Variants in ADK observed in about 807,000 individuals in gnomAD.
The protein encoded by ADK is N6,N6-dimethyladenosine kinase.
In ADK, 24 loss-of-function variants were observed where a neutral mutation model predicts 44.7. The ratio of observed to expected loss-of-function variants is 0.54; its 90% CI spans 0.39 to 0.76. ADK has a LOEUF of 0.76. ADK is among the 30% of genes least tolerant of loss of function. The probability of loss-of-function intolerance (pLI) is 0.00; values close to 1 mark genes in which losing one functional copy is unlikely to be tolerated. For missense variants in ADK, 321 were observed against 425.1 expected (o/e 0.76, Z 2.15); for synonymous variants, 128 against 142.6 (o/e 0.90, Z 0.73).
intron 6 of ADK, among the ~76,000 whole-genome samples, chr10:74,456,903 A>T (rs751123361): frequency 4.2e-4 from 64 of 152,228 alleles, no homozygotes; most frequent in Non-Finnish European, 8.8e-4. Context: ...GGACACACTA[A>T]CATCACGATG....
chr10:74,265,408 G>T (rs556515545), intron 3 of ADK, among the ~76,000 whole-genome samples: 162 of 152,020 alleles, frequency 1.1e-3, no homozygotes, highest in African/African-American at 3.7e-3. Context: ...TAGAGACGGG[G>T]TTTCACCATG....
At chr10:74,520,124 A>T (rs1848744780) in intron 6 of ADK, among the ~76,000 whole-genome samples, 1 of 152,006 alleles carries the variant, frequency 6.6e-6, no homozygotes, top group African/African-American at 2.4e-5. Flanking sequence ...GTGCTTACCC[A>T]TTATTTTTAG....
intron 3 of ADK, among the ~76,000 whole-genome samples, chr10:74,226,889 C>A (rs1025570647): frequency 6.6e-6 from 1 of 152,180 alleles, no homozygotes; most frequent in East Asian, 1.9e-4. Context: ...TGGCTGCTGG[C>A]TCTCTTCCTT....
chr10:74,502,889 A>G (rs187459713), intron 6 of ADK, among the ~76,000 whole-genome samples: 8 of 152,270 alleles, frequency 5.3e-5, no homozygotes, highest in African/African-American at 1.9e-4. Flanking sequence ...ACTTTAGGAA[A>G]TGTAATTATA....
chr10:74,330,098 G>A (rs1841167465), intron 4 of ADK, among the ~76,000 whole-genome samples: 1 of 152,152 alleles, frequency 6.6e-6, no homozygotes, highest in African/African-American at 2.4e-5. Context: ...AGCCTGGGAG[G>A]TTGAAGCTGT....
chr10:74,198,963 A>G (rs1460796582), intron 1 of ADK, among the ~76,000 whole-genome samples: 1 of 152,256 alleles, frequency 6.6e-6, no homozygotes, highest in African/African-American at 2.4e-5. Flanking sequence ...AGGAAACATA[A>G]GACATGAATA....
At chr10:74,266,008 A>G (rs139538922) in intron 3 of ADK, among the ~76,000 whole-genome samples, 5 of 152,304 alleles carry the variant, frequency 3.3e-5, no homozygotes, top group African/African-American at 4.8e-5. Flanking sequence ...TAATGGGACA[A>G]TTGCAGAGAG....
At chr10:74,160,573 A>G (rs913528379) in intron 1 of ADK, among the ~76,000 whole-genome samples, 19 of 152,296 alleles carry the variant, frequency 1.2e-4, no homozygotes, top group Middle Eastern at 3.4e-3. Flanking sequence ...CCTGCCCTGC[A>G]TTACAATCAC....
At chr10:74,625,925 A>G (rs1283665144) in intron 9 of ADK, among the ~76,000 whole-genome samples, 1 of 152,174 alleles carries the variant, frequency 6.6e-6, no homozygotes, top group Non-Finnish European at 1.5e-5. Context: ...GTAACTCATT[A>G]ATAAAATGTG....
intron 10 of ADK, among the ~76,000 whole-genome samples, chr10:74,696,343 ATTTT>A (rs1468137987): frequency 6.7e-6 from 1 of 149,190 alleles, no homozygotes; most frequent in African/African-American, 2.5e-5. Context: ...TTTTATTTTT[ATTTT>A]TTATTTATTT....
intron 9 of ADK, among the ~76,000 whole-genome samples, chr10:74,620,244 T>C (rs1655858218): frequency 6.6e-6 from 1 of 152,342 alleles, no homozygotes; most frequent in Non-Finnish European, 1.5e-5. Flanking sequence ...TGTATACTTT[T>C]AAAAATCTCT....
chr10:74,704,140 T>G (rs1444317624), intron 10 of ADK, among the ~76,000 whole-genome samples: 1 of 152,172 alleles, frequency 6.6e-6, no homozygotes, highest in East Asian at 1.9e-4. Flanking sequence ...TAGGCAAATT[T>G]ATAGAGACAA....
rs536553168 is a variant in ADK at position 74,266,365 on chromosome 10, C to T, written c.194+41774C>T. Among the ~76,000 whole-genome samples the T allele has an allele frequency of 7.9e-5, 12 of 152,048 alleles. No homozygotes were observed. In the East Asian group the frequency reaches 2.3e-3, roughly 29 times the overall value. On this transcript the variant is annotated intron_variant, in intron 3 of 10. Coordinates refer to ENST00000539909, the MANE Select transcript of ADK (RefSeq NM_006721.4). Reference sequence around the variant, plus strand: ...CGAGGTCAGCAATTCAAGACCAGCCCGGCCAACATGATGAAACCCCGTCTC... The same window carrying T: ...CGAGGTCAGCAATTCAAGACCAGCCTGGCCAACATGATGAAACCCCGTCTC...
chr10:74,550,529 T>C (rs541366522), intron 7 of ADK, among the ~76,000 whole-genome samples: 1 of 152,260 alleles, frequency 6.6e-6, no homozygotes, highest in East Asian at 1.9e-4. Flanking sequence ...TGGTTTTGCC[T>C]CTCCCCTCCA....
At chr10:74,346,317 T>G (rs1187123579) in intron 4 of ADK, among the ~76,000 whole-genome samples, 2 of 150,916 alleles carry the variant, frequency 1.3e-5, no homozygotes, top group East Asian at 3.8e-4. Context: ...ATATTATTGA[T>G]AGAATGGCTA....
In ADK at chr10:74,356,179, C is replaced by G. The variant is rs11001011; in HGVS notation, c.274-37962C>G. Among the ~76,000 whole-genome samples the G allele has an allele frequency of 2.0e-5, 3 of 146,516 alleles. No homozygotes were observed. In the South Asian group the frequency reaches 6.6e-4, roughly 32 times the overall value. Reference sequence around the variant, plus strand: ...GACTACAGGCGCCCGCCACCGCGCCCGGCTAATTTTTTGTATTTTTAGTAG... The same window carrying G: ...GACTACAGGCGCCCGCCACCGCGCCGGGCTAATTTTTTGTATTTTTAGTAG... On this transcript the variant is annotated intron_variant, in intron 4 of 10. Coordinates refer to ENST00000539909, the MANE Select transcript of ADK (RefSeq NM_006721.4).
intron 6 of ADK, among the ~76,000 whole-genome samples, chr10:74,477,788 C>T (rs901598068): frequency 5.3e-5 from 8 of 152,108 alleles, no homozygotes; most frequent in African/African-American, 1.2e-4. Flanking sequence ...TATTCTCCTC[C>T]CTCCTGCAAA....
chr10:74,416,015 T>C (rs896841419), intron 6 of ADK, among the ~76,000 whole-genome samples: 1 of 129,174 alleles, frequency 7.7e-6, no homozygotes, highest in Non-Finnish European at 1.7e-5. Context: ...CATTTATATA[T>C]ACACACACAT....
At chr10:74,325,648 C>A (rs188886196) in intron 4 of ADK, among the ~76,000 whole-genome samples, 63 of 152,194 alleles carry the variant, frequency 4.1e-4, no homozygotes, top group African/African-American at 1.3e-3. Context: ...TGCTGAGCTG[C>A]ATTCCTTCTA....
Sources: allele counts gnomAD v4.1 joint callset (sites outside exome capture counted in the v4.1 genomes callset), GRCh38; gene constraint gnomAD v4.1.1; transcripts MANE v1.5; gene names NCBI Gene and HGNC (gene_info 2026-07-23, HGNC 2026-07-21).